Variants in NCKAP1 observed in about 807,000 individuals in gnomAD.
The protein encoded by NCKAP1 is NCK associated protein 1, also known as nck-associated protein 1.
Under a neutral mutation model 151.2 loss-of-function variants are expected in NCKAP1, and 21 were observed. The ratio of observed to expected loss-of-function variants is 0.14; its 90% CI spans 0.10 to 0.20. NCKAP1 has a LOEUF of 0.20. NCKAP1 is among the 10% of genes least tolerant of loss of function. The pLI is 1.00. For missense variants in NCKAP1, 933 were observed against 1,352.1 expected, an observed-to-expected ratio of 0.69 and a Z score of 4.86; for synonymous variants, 484 against 451.8, an observed-to-expected ratio of 1.07 and a Z score of -0.90.
Position 182,957,391 on chromosome 2 carries a change from C to T in NCKAP1, c.2021+66G>A, listed in dbSNP as rs542276718. The T allele has an allele frequency of 3.1e-5, 47 of 1,501,280 alleles. 1 individual carries two copies. In the African/African-American group the frequency reaches 5.8e-4, roughly 18 times the overall value. 93.0% of individuals were successfully genotyped at this position (1,501,280 alleles called of 1,614,324 possible). ...ATTAGCATTTCCTCAGTACTAATGTCAATAGAAAAAAATGAAATAAATATT... is the reference window on the plus strand; with the variant it reads ...ATTAGCATTTCCTCAGTACTAATGTTAATAGAAAAAAATGAAATAAATATT... On this transcript the variant is annotated intron_variant, in intron 19 of 30. Transcript: ENST00000361354.
rs1467839759 is a variant in NCKAP1, at chr2:182,924,436, C to T, written c.*1266G>A. Reference sequence around the variant, plus strand: ...CAACAATGCCAATCAAAGAGCAAAACATTGGGTTAGTTTTCAAACTAAATG... The same window carrying T: ...CAACAATGCCAATCAAAGAGCAAAATATTGGGTTAGTTTTCAAACTAAATG... On this transcript the variant is annotated 3_prime_UTR_variant, in exon 31 of 31. Transcript: ENST00000361354. 6.6e-6 allele frequency: 1 copy of T among 152,144 alleles called. No homozygotes were observed. The highest frequency in any genetic ancestry group is 2.4e-5 in the African/African-American group (1 of 41,440). The allele number at this position is 152,144 out of a possible 1,614,324, so 9.4% of individuals were successfully genotyped here.
intron 2 of NCKAP1, among the ~76,000 whole-genome samples, chr2:183,009,475 G>GGAGCAAGC: frequency 1.0e-5 from 1 of 100,288 alleles, no homozygotes; most frequent in Non-Finnish European, 2.0e-5. Flanking sequence ...AGGAAGGAAG[G>GGAGCAAGC]AAGCAAGCAA....
chr2:182,925,442 G>T lies in NCKAP1; in HGVS notation c.*260C>A. ...CATTATCAAATATCAAAAACATGTT[G>T]ATAATGTATGTTTTTCAAATAAATG... On this transcript the variant is annotated 3_prime_UTR_variant, in exon 31 of 31. Transcript: ENST00000361354. 4.7e-6 allele frequency: 1 copy of T among 211,080 alleles called. No individual in the cohort carries two copies. Among genetic ancestry groups the T allele is most frequent in the African/African-American group, 2.3e-5 (1 of 43,680 alleles). 13.1% of individuals were successfully genotyped at this position (211,080 alleles called of 1,614,324 possible). A position where few individuals can be genotyped will look rare whatever the true frequency, so the allele number is the denominator to read the frequency against.
intron 30 of NCKAP1, 140 bp downstream of exon 30, chr2:182,926,676 G>A: frequency 3.7e-6 from 2 of 541,544 alleles, no homozygotes; most frequent in East Asian, 3.2e-5. Context: ...AGTCTTCTCT[G>A]CAAATTTTAG....
In NCKAP1 at chr2:182,987,881, TG is replaced by T. The variant is rs559916674; in HGVS notation, c.947+1148del. The stretch of plus-strand genomic sequence containing the variant: ...GAATAGTAGTCACTTGAGAAAGGAG[TG>T]GGGGGGGAGTGGGGACTAGGCATGG... On this transcript the variant is annotated intron_variant, in intron 9 of 30. Coordinates refer to ENST00000361354, the MANE Select transcript of NCKAP1 (RefSeq NM_013436.5). Among the ~76,000 whole-genome samples the T allele has an allele frequency of 6.2e-4, 92 of 149,278 alleles. 1 individual carries two copies. Among genetic ancestry groups the T allele is most frequent in the African/African-American group, 1.8e-3 (72 of 40,618 alleles).
Position 183,038,098 on chromosome 2 carries a change from A to ATGGTGG in NCKAP1, c.-5_1dup (p.Ala1_?0), listed in dbSNP as rs1294710591. Reference sequence around the variant, plus strand: ...ACTGGGCTGCAGCACTGAGCGCGACATGGTGGTGCTGGTGCCGCCGCCGCC... The same window carrying ATGGTGG: ...ACTGGGCTGCAGCACTGAGCGCGACATGGTGGTGGTGGTGCTGGTGCCGCCGCCGCC... On this transcript the variant is annotated start_lost and start_retained_variant, in exon 1 of 31. Transcript: ENST00000361354. 1.9e-6 allele frequency: 3 copies of ATGGTGG among 1,560,986 alleles called. No individual in the cohort carries two copies. Among genetic ancestry groups the ATGGTGG allele is most frequent in the African/African-American group, 2.8e-5 (2 of 70,880 alleles).
At chr2:182,937,892 A>G (rs1295404849) in intron 24 of NCKAP1, among the ~76,000 whole-genome samples, 1 of 152,020 alleles carries the variant, frequency 6.6e-6, no homozygotes, top group Non-Finnish European at 1.5e-5. Flanking sequence ...TTTTCTCCCC[A>G]CCTACTTATA....
rs547321525 is a variant in NCKAP1 at position 183,023,031 on chromosome 2, T to G, written c.219+775A>C. The G allele has an allele frequency of 2.0e-5, 3 of 152,172 alleles. No individual in the cohort carries two copies. In the East Asian group the frequency reaches 5.8e-4, roughly 29 times the overall value. The allele number at this position is 152,172 out of a possible 1,614,324, so 9.4% of individuals were successfully genotyped here. Reference sequence around the variant, plus strand: ...TATGAAGATCATATGTGAGAGGAAATTTCTAAACTAAATTTGTATGTAAAG... The same window carrying G: ...TATGAAGATCATATGTGAGAGGAAAGTTCTAAACTAAATTTGTATGTAAAG... On this transcript the variant is annotated intron_variant, in intron 2 of 30. Transcript: ENST00000361354.
Position 183,038,047 on chromosome 2 carries a change from G to A in NCKAP1, c.53C>T (p.Thr18Ile). The change falls in exon 1 of 31, where the codon ACC becomes ATC. Residue 18 changes from threonine to isoleucine, a missense_variant. Thr to Ile is a moderately conservative substitution (Grantham distance 89). Transcript: ENST00000361354. The part of the protein sequence containing the change: ...PSQQKLAEKL[T>I]ILNDRGVGML... ...GCCGACGCCCCGGTCGTTGAGGATG[G>A]TGAGCTTCTCCGCCAGCTTCTGCTG... The A allele has an allele frequency of 6.3e-7, 1 of 1,588,276 alleles. No homozygotes were observed. The highest frequency in any genetic ancestry group is 8.5e-7 in the Non-Finnish European group (1 of 1,174,166).
chr2:182,941,430 T>A (rs1276877338), intron 24 of NCKAP1, among the ~76,000 whole-genome samples: 1 of 152,162 alleles, frequency 6.6e-6, no homozygotes, highest in Non-Finnish European at 1.5e-5. Context: ...AAATTACTGA[T>A]CACTTAACAA....
Position 182,957,614 on chromosome 2 carries a change from T to C in NCKAP1, c.1882-18A>G, listed in dbSNP as rs967121068. On this transcript the variant is annotated intron_variant, in intron 18 of 30. Coordinates refer to ENST00000361354, the MANE Select transcript of NCKAP1 (RefSeq NM_013436.5). Reference sequence around the variant, plus strand: ...GGTAGCAACTAAATTTAGAAAAGAATGAAATCTTACATTACACCAATTACT... The same window carrying C: ...GGTAGCAACTAAATTTAGAAAAGAACGAAATCTTACATTACACCAATTACT... 6.2e-7 allele frequency: 1 copy of C among 1,608,334 alleles called. No individual in the cohort carries two copies. The highest frequency in any genetic ancestry group is 1.7e-5 in the Admixed American group (1 of 59,012).
chr2:182,958,149 T>C (rs1697363537), intron 18 of NCKAP1, among the ~76,000 whole-genome samples: 1 of 152,148 alleles, frequency 6.6e-6, no homozygotes, highest in Admixed American at 6.5e-5. Context: ...CATTTTCTTT[T>C]CTTTTCTTTT....
At chr2:182,927,505 T>C (rs535388289) in intron 29 of NCKAP1, among the ~76,000 whole-genome samples, 2 of 152,170 alleles carry the variant, frequency 1.3e-5, no homozygotes, top group South Asian at 4.1e-4. Flanking sequence ...TGCCATGGTA[T>C]ATCTTTCGTT....
chr2:182,941,523 C>G (rs1246968066), intron 24 of NCKAP1, among the ~76,000 whole-genome samples: 1 of 152,176 alleles, frequency 6.6e-6, no homozygotes, highest in Non-Finnish European at 1.5e-5. Context: ...GAAATAAGAT[C>G]AGTGGTTGTT....
At position 182,935,203 on chromosome 2, in the gene NCKAP1, T is replaced by C. The variant is rs1248495456; in HGVS notation, c.2778+90A>G. 32 of 884,584 alleles carry C rather than the reference T, an allele frequency of 3.6e-5. 1 individual carries two copies. In the South Asian group the frequency reaches 4.3e-4, roughly 12 times the overall value. The allele number at this position is 884,584 out of a possible 1,614,324, so 54.8% of individuals were successfully genotyped here. On this transcript the variant is annotated intron_variant, in intron 25 of 30. Transcript: ENST00000361354. ...ACTGGAATTTTAATTATATCATTGC[T>C]AAGCATGAATCTGAAACTTAACTTT...
chr2:183,021,608 C>G (rs1698799252), intron 2 of NCKAP1, among the ~76,000 whole-genome samples: 1 of 152,076 alleles, frequency 6.6e-6, no homozygotes, highest in African/African-American at 2.4e-5. Flanking sequence ...GAAACCCTGT[C>G]TCTTAAAACA....
chr2:182,967,432 G>T (rs1033225839), intron 15 of NCKAP1, 71 bp from the exon 16 acceptor site: 59 of 1,343,436 alleles, frequency 4.4e-5, no homozygotes, highest in Non-Finnish European at 5.4e-5. Context: ...TTTTACAGGG[G>T]GAAAAGCATC....
chr2:182,952,869 A>C lies in NCKAP1; in HGVS notation c.2427T>G (p.Pro809=). The part of the protein sequence containing the change: ...QVSNGHIAYF[P]AMKAFVNLPT... ...GTAAGTTCACAAACGCTTTCATTGC[A>C]GGAAAATATGCTATATGGCCATTGC... Residue 809 remains proline (P), a synonymous_variant, in exon 22 of 31, where the codon CCT becomes CCG. Transcript: ENST00000361354. 3.1e-6 allele frequency: 5 copies of C among 1,612,528 alleles called. No homozygotes were observed. The South Asian group carries it at 4.4e-5, about 14-fold the overall frequency.
intron 21 of NCKAP1, 22 bp from the exon 22 acceptor site, chr2:182,952,945 T>C (rs1473297432): frequency 2.5e-6 from 4 of 1,597,872 alleles, no homozygotes; most frequent in Admixed American, 3.6e-5. Flanking sequence ...CGTAAACTTA[T>C]AACCGGAAGA....
Sources: allele counts gnomAD v4.1 joint callset (sites outside exome capture counted in the v4.1 genomes callset), GRCh38; gene constraint gnomAD v4.1.1; transcripts MANE v1.5; gene names NCBI Gene and HGNC (gene_info 2026-07-23, HGNC 2026-07-21).